LAMTOR5: variants seen among roughly 807,000 people sequenced by gnomAD.
The protein encoded by LAMTOR5 is ragulator complex protein LAMTOR5.
LAMTOR5 carries 8 observed loss-of-function variants against 12.1 expected under a neutral mutation model. The ratio of observed to expected loss-of-function variants is 0.66; its 90% CI spans 0.39 to 1.19. The LOEUF (loss-of-function observed/expected upper bound fraction) is 1.19. LAMTOR5 is among the 50% of genes most tolerant of loss of function. The probability of loss-of-function intolerance (pLI) is 0.01; values close to 1 mark genes in which losing one functional copy is unlikely to be tolerated. For synonymous variants in LAMTOR5, 37 were observed against 41.9 expected (o/e 0.88, Z 0.45); for missense variants, 110 against 112.8 (o/e 0.97, Z 0.11).
At chr1:110,404,376 C>T (rs773285386) in intron 2 of LAMTOR5, among the ~76,000 whole-genome samples, 4 of 152,216 alleles carry the variant, frequency 2.6e-5, no homozygotes, top group Admixed American at 6.5e-5. Flanking sequence ...CCGATGCCGA[C>T]GTTTGAGCCT....
At chr1:110,401,802 C>A (rs2101107594) in intron 3 of LAMTOR5, among the ~76,000 whole-genome samples, 1 of 152,302 alleles carries the variant, frequency 6.6e-6, no homozygotes, top group Middle Eastern at 3.4e-3. Flanking sequence ...CAGACAACCA[C>A]TGTTAATATT....
chr1:110,404,839 GGAGTTC>G (rs1298053435), intron 2 of LAMTOR5, among the ~76,000 whole-genome samples: 1 of 152,054 alleles, frequency 6.6e-6, no homozygotes, highest in South Asian at 2.1e-4. Flanking sequence ...CCTGAGATAA[GGAGTTC>G]GAGACCAGCC....
chr1:110,403,676 C>A, intron 3 of LAMTOR5: 1 of 422,474 alleles, frequency 2.4e-6, no homozygotes, highest in Non-Finnish European at 4.0e-6. Flanking sequence ...CTATTTGTTA[C>A]TTTCTTTTTG....
At chr1:110,407,720 C>T (rs1663367419), upstream of LAMTOR5, 1 of 1,614,114 alleles carries the variant, frequency 6.2e-7, no homozygotes, top group African/African-American at 1.3e-5. Context: ...TGGACCGTAA[C>T]GGCGCCTCCA....
chr1:110,407,498 G>A (rs1570671587), intron 1 of LAMTOR5, 88 bp downstream of exon 1: 3 of 1,495,420 alleles, frequency 2.0e-6, no homozygotes, highest in East Asian at 2.4e-5. Context: ...GAGACGCCCT[G>A]GCCGGTACTC....
chr1:110,407,562 G>T, intron 1 of LAMTOR5, 24 bp downstream of exon 1: 1 of 1,609,396 alleles, frequency 6.2e-7, no homozygotes, highest in Non-Finnish European at 8.5e-7. Context: ...CTCAGGACAG[G>T]CCGAAGAGGC....
intron 2 of LAMTOR5, 42 bp from the exon 3 acceptor site, chr1:110,404,078 A>G: frequency 3.8e-6 from 6 of 1,599,718 alleles, no homozygotes; most frequent in Non-Finnish European, 5.1e-6. Context: ...TTGCTCATAG[A>G]GTATTTCTGC....
chr1:110,406,294 A>G, intron 2 of LAMTOR5, 24 bp downstream of exon 2: 1 of 1,519,870 alleles, frequency 6.6e-7, no homozygotes, highest in African/African-American at 1.4e-5. Context: ...AATTCATCAA[A>G]TAGTTGGTAT....
chr1:110,407,013 T>G, intron 1 of LAMTOR5: 1 of 689,438 alleles, frequency 1.5e-6, no homozygotes, highest in Non-Finnish European at 2.6e-6. Context: ...TTAAAACAAC[T>G]GTTGAAAAAC....
At chr1:110,407,196 C>A in intron 1 of LAMTOR5, 2 of 585,084 alleles carry the variant, frequency 3.4e-6, no homozygotes, top group Non-Finnish European at 6.1e-6. Context: ...ATAGGTTACA[C>A]ACAGGAGATA....
chr1:110,406,916 G>T, intron 1 of LAMTOR5: 1 of 501,686 alleles, frequency 2.0e-6, no homozygotes, highest in Non-Finnish European at 3.6e-6. Context: ...AAGTACTGCT[G>T]AGTTCTGGAG....
intron 3 of LAMTOR5, among the ~76,000 whole-genome samples, chr1:110,403,258 T>TC (rs1444747214): frequency 1.3e-5 from 2 of 152,188 alleles, no homozygotes; most frequent in African/African-American, 4.8e-5. Flanking sequence ...ATACTTTTTT[T>TC]CACATATTAT....
chr1:110,404,926 T>TA (rs1381957272), intron 2 of LAMTOR5, among the ~76,000 whole-genome samples: 3 of 151,168 alleles, frequency 2.0e-5, no homozygotes, highest in African/African-American at 7.3e-5. Flanking sequence ...CAGGCGCCTG[T>TA]AATCCCAGCT....
At chr1:110,405,460 C>T (rs779436008) in intron 2 of LAMTOR5, among the ~76,000 whole-genome samples, 4 of 152,008 alleles carry the variant, frequency 2.6e-5, no homozygotes, top group Non-Finnish European at 5.9e-5. Context: ...CCACCGCATC[C>T]GGCCTCTTTT....
chr1:110,404,377 G>A (rs1475717087), intron 2 of LAMTOR5, among the ~76,000 whole-genome samples: 5 of 152,224 alleles, frequency 3.3e-5, no homozygotes, highest in Admixed American at 6.5e-5. Flanking sequence ...CGATGCCGAC[G>A]TTTGAGCCTT....
At chr1:110,405,043 G>A (rs1419591447) in intron 2 of LAMTOR5, among the ~76,000 whole-genome samples, 4 of 136,386 alleles carry the variant, frequency 2.9e-5, no homozygotes, top group African/African-American at 8.2e-5. Flanking sequence ...GCAAGATTTC[G>A]TCTCAAAAAA....
chr1:110,407,438 G>A (rs1055413888), intron 1 of LAMTOR5, 148 bp downstream of exon 1: 4 of 1,013,184 alleles, frequency 3.9e-6, no homozygotes, highest in African/African-American at 3.3e-5. Context: ...GCGGCCTTGG[G>A]TAGAGTTTAG....
chr1:110,406,447 A>G, intron 1 of LAMTOR5, 68 bp from the exon 2 acceptor site: 2 of 1,087,770 alleles, frequency 1.8e-6, no homozygotes, highest in Non-Finnish European at 2.8e-6. Flanking sequence ...AAGTACAAAC[A>G]TACAGGTGTT....
At chr1:110,405,599 G>A (rs1379502061) in intron 2 of LAMTOR5, among the ~76,000 whole-genome samples, 1 of 152,084 alleles carries the variant, frequency 6.6e-6, no homozygotes, top group Non-Finnish European at 1.5e-5. Flanking sequence ...CCAAAGTGCT[G>A]GGATTACAGG....
Sources: allele counts gnomAD v4.1 joint callset (sites outside exome capture counted in the v4.1 genomes callset), GRCh38; gene constraint gnomAD v4.1.1; transcripts MANE v1.5; gene names NCBI Gene and HGNC (gene_info 2026-07-23, HGNC 2026-07-21).